DDHD2: variants seen among roughly 807,000 people sequenced by gnomAD.
The protein encoded by DDHD2 is DDHD domain containing 2.
Under a neutral mutation model 91.2 loss-of-function variants are expected in DDHD2, and 62 were observed. That is an observed-to-expected ratio of 0.68 (90% CI 0.55 to 0.84). The LOEUF (loss-of-function observed/expected upper bound fraction) is 0.84, where lower values mean the gene tolerates loss of function less well. DDHD2 is among the 40% of genes least tolerant of loss of function. DDHD2 has a pLI of 0.00. For synonymous variants in DDHD2, 271 were observed against 293.9 expected (o/e 0.92, Z 0.80); for missense variants, 740 against 846.9 (o/e 0.87, Z 1.57).
intron 17 of DDHD2, 120 bp downstream of exon 17, chr8:38,260,267 C>A (rs972964442): frequency 4.8e-5 from 26 of 538,114 alleles, no homozygotes; most frequent in Admixed American, 1.9e-4. Flanking sequence ...AAGATCTAGG[C>A]TGCTATTCAT....
intron 1 of DDHD2, chr8:38,271,116 A>T (rs1439722285): frequency 6.6e-6 from 1 of 152,174 alleles, no homozygotes; most frequent in African/African-American, 2.4e-5. Context: ...CTGGTATCTC[A>T]TGCAGGAGTC....
rs553774060 is a variant in DDHD2 at position 38,232,540 on chromosome 8, C to G, written c.-8-447C>G. On this transcript the variant is annotated intron_variant, in intron 1 of 17. Transcript: ENST00000397166. Reference sequence around the variant, plus strand: ...GTTTTATTTTTTGTATTTTAAGATTCCATTAGTTGTGTAATGGTAGGGGCC... The same window carrying G: ...GTTTTATTTTTTGTATTTTAAGATTGCATTAGTTGTGTAATGGTAGGGGCC... Among the ~76,000 whole-genome samples, 11 of 152,344 alleles carry G rather than the reference C, an allele frequency of 7.2e-5. 1 individual carries two copies. The South Asian group carries it at 2.3e-3, about 32-fold the overall frequency.
chr8:38,249,155 C>T (rs1258956172), intron 10 of DDHD2, among the ~76,000 whole-genome samples: 1 of 151,372 alleles, frequency 6.6e-6, no homozygotes, highest in Non-Finnish European at 1.5e-5. Flanking sequence ...CTCTGTTGCC[C>T]AGGCTGGAGT....
rs1807122640 is a variant in DDHD2, at chr8:38,262,664, A to G, written c.*2091A>G. 1 of 152,196 alleles carries G rather than the reference A, an allele frequency of 6.6e-6. No homozygotes were observed. The highest frequency in any genetic ancestry group is 1.5e-5 in the Non-Finnish European group (1 of 68,032). 9.4% of individuals were successfully genotyped at this position (152,196 alleles called of 1,614,324 possible). ...TCAGCAAAAGAGATTGTTTGCATGGAAAGATTAATAGCACTGATTAGATTT... is the reference window on the plus strand; with the variant it reads ...TCAGCAAAAGAGATTGTTTGCATGGGAAGATTAATAGCACTGATTAGATTT... On this transcript the variant is annotated 3_prime_UTR_variant, in exon 18 of 18. Coordinates refer to ENST00000397166, the MANE Select transcript of DDHD2 (RefSeq NM_015214.3).
intron 9 of DDHD2, chr8:38,247,353 C>A (rs1805723905): frequency 1.9e-5 from 3 of 156,676 alleles, no homozygotes; most frequent in Admixed American, 6.5e-5. Context: ...AACTCCTGAC[C>A]TTGTGATCCG....
rs576799042 is a variant in DDHD2 at position 38,267,931 on chromosome 8, C to T, written n.88-3191C>T. The T allele has an allele frequency of 1.5e-5, 25 of 1,613,926 alleles. 1 individual carries two copies. Among genetic ancestry groups the T allele is most frequent in the South Asian group, 1.5e-4 (14 of 91,078 alleles). On this transcript the variant is annotated intron_variant and non_coding_transcript_variant, in intron 1 of 1. Transcript: ENST00000526071. The stretch of plus-strand genomic sequence containing the variant: ...ATCAGTTTTATTGTGTTGGTAAAGA[C>T]GCCATTCAGAGCCAGGGCAAGGCTG...
chr8:38,244,318 A>G (rs183221294), intron 7 of DDHD2, among the ~76,000 whole-genome samples: 3 of 152,042 alleles, frequency 2.0e-5, no homozygotes, highest in Admixed American at 6.6e-5. Flanking sequence ...GCTGGAGTGC[A>G]GTGGCACGGT....
intron 1 of DDHD2, among the ~76,000 whole-genome samples, chr8:38,232,297 G>A (rs1250741713): frequency 6.6e-6 from 1 of 152,264 alleles, no homozygotes; most frequent in Non-Finnish European, 1.5e-5. Flanking sequence ...CCGAGTGGAA[G>A]GAGTGTTGGA....
At chr8:38,263,973 G>A (rs1311171250), downstream of DDHD2, 10 of 985,480 alleles carry the variant, frequency 1.0e-5, no homozygotes, top group African/African-American at 3.5e-5. Context: ...GAAAAGAACC[G>A]TAACTCCTCA....
chr8:38,264,701 A>G (rs1807311395), downstream of DDHD2: 17 of 1,430,336 alleles, frequency 1.2e-5, no homozygotes, highest in Non-Finnish European at 1.5e-5. Flanking sequence ...AGGATACTCT[A>G]CTGTGGGGCT....
intron 9 of DDHD2, 119 bp downstream of exon 9, chr8:38,246,419 C>A: frequency 1.5e-6 from 1 of 677,158 alleles, no homozygotes; most frequent in Non-Finnish European, 2.5e-6. Context: ...TACATTTACA[C>A]TTATTTTCAT....
Position 38,268,213 on chromosome 8 carries a change from C to G in DDHD2, n.88-2909C>G, listed in dbSNP as rs1490186926. ...CTGCCTGCCGTGTAGCCTGCGTAAC[C>G]AAGTCCCTGCAGTGCTATTTTCCTC... On this transcript the variant is annotated intron_variant and non_coding_transcript_variant, in intron 1 of 1. Transcript: ENST00000526071. 3 of 1,053,930 alleles carry G rather than the reference C, an allele frequency of 2.8e-6. No homozygotes were observed. The East Asian group carries it at 7.8e-5, about 27-fold the overall frequency. The allele number at this position is 1,053,930 out of a possible 1,614,324, so 65.3% of individuals were successfully genotyped here. A position where few individuals can be genotyped will look rare whatever the true frequency, so the allele number is the denominator to read the frequency against.
Position 38,252,762 on chromosome 8 carries a change from C to G in DDHD2, c.1658C>G (p.Pro553Arg). Reference protein sequence around the residue: ...VAYRIEPMVVPGVEFEPMLIP... With the variant: ...VAYRIEPMVVRGVEFEPMLIP... ...TATAGGATTGAACCAATGGTGGTCC[C>G]AGGAGTGGAATTTGAGCCAATGCTG... Residue 553 changes from proline (P) to arginine (R), a missense_variant, in exon 14 of 18, where the codon CCA becomes CGA. Physicochemically the swap from Pro to Arg is moderately radical, Grantham distance 103 (BLOSUM62 -2). Coordinates refer to ENST00000397166, the MANE Select transcript of DDHD2 (RefSeq NM_015214.3). The G allele has an allele frequency of 6.2e-7, 1 of 1,613,924 alleles. No homozygotes were observed. The highest frequency in any genetic ancestry group is 1.1e-5 in the South Asian group (1 of 91,066).
chr8:38,248,034 A>G (rs536169317), intron 10 of DDHD2, among the ~76,000 whole-genome samples, 199 bp downstream of exon 10: 19 of 152,314 alleles, frequency 1.2e-4, no homozygotes, highest in African/African-American at 4.6e-4. Context: ...GGCCATATTG[A>G]TATTCATAGA....
intron 1 of DDHD2, chr8:38,270,985 C>A (rs1333140705): frequency 6.6e-6 from 1 of 152,096 alleles, no homozygotes; most frequent in Non-Finnish European, 1.5e-5. Flanking sequence ...AACGTAAGTG[C>A]AATTTTTTGT....
downstream of DDHD2, chr8:38,264,176 C>A: frequency 9.7e-7 from 1 of 1,029,004 alleles, no homozygotes; most frequent in Non-Finnish European, 1.2e-6. Context: ...GAGATGGGGT[C>A]TCACTCTGTT....
chr8:38,239,882 C>T (rs1409894808), intron 5 of DDHD2, among the ~76,000 whole-genome samples: 1 of 151,100 alleles, frequency 6.6e-6, no homozygotes, highest in Non-Finnish European at 1.5e-5. Flanking sequence ...TGTGCCACCA[C>T]ACCCGGCTAA....
At chr8:38,237,435 G>A in intron 3 of DDHD2, 103 bp from the exon 4 acceptor site, 1 of 598,112 alleles carries the variant, frequency 1.7e-6, no homozygotes, top group South Asian at 1.9e-5. Context: ...ATTGGAGTAG[G>A]ATATTCTTAT....
rs547462417 is a variant in DDHD2, at chr8:38,244,366, A to C, written c.849-1376A>C. Among the ~76,000 whole-genome samples, 8 of 148,810 alleles carry C rather than the reference A, an allele frequency of 5.4e-5. No homozygotes were observed. In the South Asian group the frequency reaches 1.5e-3, roughly 28 times the overall value. Reference sequence around the variant, plus strand: ...CAACCTCTGCCTCCTGGGTTCCAGCAATTCTCCTGCCTCAGCCTCCCAGGT... The same window carrying C: ...CAACCTCTGCCTCCTGGGTTCCAGCCATTCTCCTGCCTCAGCCTCCCAGGT... On this transcript the variant is annotated intron_variant, in intron 7 of 17. Coordinates refer to ENST00000397166, the MANE Select transcript of DDHD2 (RefSeq NM_015214.3).
Sources: allele counts gnomAD v4.1 joint callset (sites outside exome capture counted in the v4.1 genomes callset), GRCh38; gene constraint gnomAD v4.1.1; transcripts MANE v1.5; gene names NCBI Gene and HGNC (gene_info 2026-07-23, HGNC 2026-07-21).